The following SLCO6A1 variants were observed in gnomAD, a reference collection of about 807,000 sequenced individuals.
SLCO6A1 encodes the protein cancer/testis antigen 48.
Under a neutral mutation model 72.7 loss-of-function variants are expected in SLCO6A1, and 65 were observed. The observed-to-expected ratio is 0.89, with a 90% CI of 0.73 to 1.10. The LOEUF (loss-of-function observed/expected upper bound fraction) is 1.10, where lower values mean the gene tolerates loss of function less well. SLCO6A1 is among the 50% of genes least tolerant of loss of function. The pLI is 0.00. For missense variants in SLCO6A1, 874 were observed against 872.6 expected (o/e 1.00, Z -0.02); for synonymous variants, 314 against 298.2 (o/e 1.05, Z -0.55).
chr5:102,408,382 GGAAA>G (rs1747788687), intron 9 of SLCO6A1, among the ~76,000 whole-genome samples: 1 of 151,880 alleles, frequency 6.6e-6, no homozygotes, highest in South Asian at 2.1e-4. Flanking sequence ...CAAAAATACA[GGAAA>G]GAGAGAGAGA....
intron 12 of SLCO6A1, among the ~76,000 whole-genome samples, chr5:102,373,702 G>C (rs915666414): frequency 2.0e-5 from 3 of 152,012 alleles, no homozygotes; most frequent in African/African-American, 7.2e-5. Context: ...AGATTTCTTA[G>C]ACATATTACC....
chr5:102,477,185 G>A (rs62371032), intron 3 of SLCO6A1, among the ~76,000 whole-genome samples: 2 of 151,922 alleles, frequency 1.3e-5, no homozygotes, highest in East Asian at 3.9e-4. Context: ...GCAATGGTAC[G>A]ATCTTGGCTC....
intron 9 of SLCO6A1, among the ~76,000 whole-genome samples, chr5:102,411,439 A>G (rs999267250): frequency 4.0e-5 from 6 of 151,868 alleles, no homozygotes; most frequent in Non-Finnish European, 7.4e-5. Flanking sequence ...TAATTTTTGT[A>G]TGTTTTGTAG....
At chr5:102,457,787 A>C (rs1483897178) in intron 6 of SLCO6A1, among the ~76,000 whole-genome samples, 2 of 152,182 alleles carry the variant, frequency 1.3e-5, no homozygotes, top group Admixed American at 1.3e-4. Flanking sequence ...ATGCTGCTAT[A>C]AAGACACATG....
chr5:102,487,701 C>A lies in SLCO6A1; in HGVS notation c.359-7267G>T, dbSNP rs971131197. On this transcript the variant is annotated intron_variant, in intron 1 of 13. Coordinates refer to ENST00000506729, the MANE Select transcript of SLCO6A1 (RefSeq NM_173488.5). Reference sequence around the variant, plus strand: ...CGCATCAAATACTTGCCCAACCACTCAAAATTGGGTGGAGTTAATTTTAGA... The same window carrying A: ...CGCATCAAATACTTGCCCAACCACTAAAAATTGGGTGGAGTTAATTTTAGA... Among the ~76,000 whole-genome samples the A allele has an allele frequency of 3.9e-5, 6 of 152,298 alleles. No individual in the cohort carries two copies. In the South Asian group the frequency reaches 1.2e-3, roughly 32 times the overall value.
chr5:102,393,304 T>C (rs1274407203), intron 10 of SLCO6A1, among the ~76,000 whole-genome samples: 1 of 152,104 alleles, frequency 6.6e-6, no homozygotes, highest in African/African-American at 2.4e-5. Flanking sequence ...GCAAAGAAAA[T>C]TTAAAATGGT....
At chr5:102,447,544 T>C (rs536396790) in intron 6 of SLCO6A1, among the ~76,000 whole-genome samples, 6 of 152,188 alleles carry the variant, frequency 3.9e-5, no homozygotes, top group Admixed American at 6.5e-5. Flanking sequence ...ATTGATTCAA[T>C]TTTGGAACTC....
intron 12 of SLCO6A1, among the ~76,000 whole-genome samples, chr5:102,383,789 T>C (rs917747178): frequency 6.6e-6 from 1 of 151,902 alleles, no homozygotes; most frequent in Non-Finnish European, 1.5e-5. Context: ...CATCTTTAAA[T>C]GTTTAGCAGA....
At chr5:102,469,727 G>T (rs904623787) in intron 4 of SLCO6A1, among the ~76,000 whole-genome samples, 1 of 152,084 alleles carries the variant, frequency 6.6e-6, no homozygotes, top group Admixed American at 6.6e-5. Flanking sequence ...GGGCATCCTT[G>T]TCTTGTGCCG....
intron 12 of SLCO6A1, among the ~76,000 whole-genome samples, chr5:102,387,223 A>G (rs1746465106): frequency 1.3e-5 from 2 of 152,196 alleles, no homozygotes; most frequent in South Asian, 2.1e-4. Flanking sequence ...CATATAACCA[A>G]TGAAATATAT....
At chr5:102,417,927 G>A (rs571045802) in intron 8 of SLCO6A1, among the ~76,000 whole-genome samples, 4 of 152,130 alleles carry the variant, frequency 2.6e-5, no homozygotes, top group African/African-American at 9.6e-5. Flanking sequence ...CCCTGAAGGT[G>A]GAGGTTGCAG....
rs1268896867 is a variant in SLCO6A1, at chr5:102,449,409, C to CAA, written c.1131+8972_1131+8973insTT. 2.8e-4 allele frequency among the ~76,000 whole-genome samples: 41 copies of CAA among 148,728 alleles called. 1 individual carries two copies. The highest frequency in any genetic ancestry group is 6.8e-3 in the Middle Eastern group (2 of 292). ...ATTTCCTGATTTTTTTTTTTTGAGA[C>CAA]AGAGTCTCGCTCTGTTGCCCAGGCT... On this transcript the variant is annotated intron_variant, in intron 6 of 13. Transcript: ENST00000506729.
chr5:102,389,459 C>CCCCA (rs1198260136), intron 11 of SLCO6A1, among the ~76,000 whole-genome samples: 1 of 111,004 alleles, frequency 9.0e-6, no homozygotes, highest in African/African-American at 3.3e-5. Context: ...CCCACCCCCA[C>CCCCA]ACACACAGAG....
chr5:102,455,473 T>C (rs1328113111), intron 6 of SLCO6A1, among the ~76,000 whole-genome samples: 1 of 152,150 alleles, frequency 6.6e-6, no homozygotes, highest in African/African-American at 2.4e-5. Flanking sequence ...GTTGGTGTTT[T>C]TTAACTCTAC....
intron 2 of SLCO6A1, among the ~76,000 whole-genome samples, chr5:102,478,798 A>G (rs1270143311): frequency 6.6e-6 from 1 of 152,200 alleles, no homozygotes; most frequent in Non-Finnish European, 1.5e-5. Context: ...ACACTATTAA[A>G]GTGCAGATTG....
chr5:102,377,249 A>G (rs972629261), intron 12 of SLCO6A1, among the ~76,000 whole-genome samples: 6 of 152,172 alleles, frequency 3.9e-5, no homozygotes, highest in African/African-American at 1.4e-4. Context: ...GAGAAAGGAT[A>G]AACTGTAGCA....
intron 12 of SLCO6A1, among the ~76,000 whole-genome samples, chr5:102,385,652 C>A (rs1459606357): frequency 6.6e-6 from 1 of 151,734 alleles, no homozygotes; most frequent in African/African-American, 2.4e-5. Context: ...AAATTTATTT[C>A]TTTTTTATGG....
chr5:102,430,968 TGGA>T, intron 7 of SLCO6A1, among the ~76,000 whole-genome samples: 1 of 152,158 alleles, frequency 6.6e-6, no homozygotes, highest in South Asian at 2.1e-4. Flanking sequence ...ATTTCAGTTT[TGGA>T]GCTCATTATT....
chr5:102,471,724 T>C (rs1305887754), intron 4 of SLCO6A1, among the ~76,000 whole-genome samples: 1 of 152,108 alleles, frequency 6.6e-6, no homozygotes, highest in Non-Finnish European at 1.5e-5. Context: ...CTACTTCTGA[T>C]ACTACTTCTA....
Sources: gnomAD v4.1 joint callset for allele counts (sites outside exome capture counted in the v4.1 genomes callset) on GRCh38, gnomAD v4.1.1 for gene constraint, MANE v1.5 for transcripts, NCBI Gene and HGNC (gene_info 2026-07-23, HGNC 2026-07-21) for gene names.